The following RDX variants were observed in gnomAD, a reference collection of about 807,000 sequenced individuals.
RDX encodes radixin, also known as deafness, autosomal recessive 24.
RDX carries 32 observed loss-of-function variants against 83.7 expected under a neutral mutation model. The ratio of observed to expected loss-of-function variants is 0.38; its 90% CI spans 0.29 to 0.51. The LOEUF (loss-of-function observed/expected upper bound fraction) is 0.51, where lower values mean the gene tolerates loss of function less well. RDX is among the 20% of genes least tolerant of loss of function. The pLI is 0.87. For missense variants in RDX, 600 were observed against 689.9 expected (o/e 0.87, Z 1.46); for synonymous variants, 229 against 222.7 (o/e 1.03, Z -0.25).
At chr11:110,217,221 T>A (rs890065060) in intron 14 of RDX, among the ~76,000 whole-genome samples, 1 of 152,236 alleles carries the variant, frequency 6.6e-6, no homozygotes, top group Admixed American at 6.5e-5. Flanking sequence ...AGTCCCTTAT[T>A]TCATAGTTGT....
intron 14 of RDX, among the ~76,000 whole-genome samples, chr11:110,200,074 T>C (rs191877701): frequency 1.1e-4 from 17 of 152,294 alleles, no homozygotes; most frequent in African/African-American, 3.4e-4. Flanking sequence ...TTCTACCAGA[T>C]TTTATATTTT....
At chr11:110,177,955 C>A (rs74924161) in intron 15 of RDX, among the ~76,000 whole-genome samples, 2,440 of 152,262 alleles carry the variant, frequency 0.016, 27 homozygotes, top group Non-Finnish European at 0.026. Context: ...CCAGCACACA[C>A]CCTGCCTCTC....
In RDX at chr11:110,236,084, T is replaced by C. The variant is rs557472383; in HGVS notation, c.1344+15A>G. 1.5e-5 allele frequency: 23 copies of C among 1,570,876 alleles called. No individual in the cohort carries two copies. The East Asian group carries it at 5.2e-4, about 35-fold the overall frequency. The stretch of plus-strand genomic sequence containing the variant: ...AAGCTATTCAATAAAAGCTAGTAAA[T>C]GAATAAATGATTACTTTGTGTTGCC... On this transcript the variant is annotated intron_variant, in intron 12 of 13. Transcript: ENST00000645495.
intron 10 of RDX, among the ~76,000 whole-genome samples, chr11:110,245,182 C>T (rs1027853849): frequency 1.3e-5 from 2 of 152,152 alleles, no homozygotes; most frequent in African/African-American, 4.8e-5. Context: ...AAACTCCTGA[C>T]TTCAAGTGAT....
chr11:110,289,771 G>C (rs1428849606), intron 1 of RDX, among the ~76,000 whole-genome samples: 2 of 151,474 alleles, frequency 1.3e-5, no homozygotes, highest in Non-Finnish European at 2.9e-5. Flanking sequence ...ATAAAAATTA[G>C]TCCCGTCTCT....
intron 10 of RDX, among the ~76,000 whole-genome samples, chr11:110,242,180 C>T (rs1327344402): frequency 6.6e-6 from 1 of 152,094 alleles, no homozygotes; most frequent in Non-Finnish European, 1.5e-5. Context: ...TGGCCGGGCA[C>T]GGTGGCTCAT....
At chr11:110,205,791 CAATT>C (rs2134245947) in intron 14 of RDX, among the ~76,000 whole-genome samples, 1 of 152,174 alleles carries the variant, frequency 6.6e-6, no homozygotes, top group African/African-American at 2.4e-5. Context: ...CTTTAGGAAA[CAATT>C]GATGGTTACA....
intron 14 of RDX, among the ~76,000 whole-genome samples, chr11:110,209,176 G>A (rs1459578981): frequency 6.6e-6 from 1 of 152,162 alleles, no homozygotes; most frequent in Admixed American, 6.5e-5. Context: ...CCTCACTTGG[G>A]AAGCCCAAGA....
intron 9 of RDX, among the ~76,000 whole-genome samples, chr11:110,249,841 C>T (rs1304945528): frequency 6.6e-6 from 1 of 152,048 alleles, no homozygotes; most frequent in African/African-American, 2.4e-5. Context: ...GCCACTGTGC[C>T]CCAGCCTGGC....
At chr11:110,235,191 A>G (rs993609233) in intron 12 of RDX, among the ~76,000 whole-genome samples, 1 of 152,142 alleles carries the variant, frequency 6.6e-6, no homozygotes, top group African/African-American at 2.4e-5. Flanking sequence ...CATTCTCAAC[A>G]AAAATAAAAA....
In RDX at chr11:110,237,451, C is replaced by T. The variant is rs755546417; in HGVS notation, c.1251+41G>A. ...TCTTTTTTAGAGGGTTCACTCTATG[C>T]TTTTATTTAAACTTTTTTCTCTAAG... On this transcript the variant is annotated intron_variant, in intron 11 of 13. Transcript: ENST00000645495. The T allele has an allele frequency of 4.4e-6, 7 of 1,601,358 alleles. 1 individual carries two copies. Among genetic ancestry groups the T allele is most frequent in the East Asian group, 4.5e-5 (2 of 44,788 alleles).
chr11:110,198,542 A>T (rs1006790489), intron 15 of RDX, among the ~76,000 whole-genome samples: 1 of 152,224 alleles, frequency 6.6e-6, no homozygotes, highest in Non-Finnish European at 1.5e-5. Flanking sequence ...CTCTTGTCAG[A>T]TCAGCAGCAG....
intron 14 of RDX, among the ~76,000 whole-genome samples, chr11:110,206,100 A>T (rs1194804692): frequency 1.3e-5 from 2 of 151,732 alleles, no homozygotes; most frequent in Non-Finnish European, 2.9e-5. Flanking sequence ...TACTAAAAAT[A>T]AAAAAAATTA....
At chr11:110,273,034 C>G (rs1860366866) in intron 2 of RDX, 2 of 456,228 alleles carry the variant, frequency 4.4e-6, no homozygotes, top group Non-Finnish European at 8.8e-6. Context: ...TGAGACCAGC[C>G]TGGGGAACAC....
chr11:110,261,955 C>T (rs1384315136), intron 5 of RDX, among the ~76,000 whole-genome samples: 1 of 152,032 alleles, frequency 6.6e-6, no homozygotes, highest in Non-Finnish European at 1.5e-5. Context: ...AACCAAACAG[C>T]AATCTGGCTT....
intron 15 of RDX, among the ~76,000 whole-genome samples, chr11:110,176,811 G>A (rs533813715): frequency 6.6e-6 from 1 of 152,182 alleles, no homozygotes; most frequent in Non-Finnish European, 1.5e-5. Flanking sequence ...GGAGCCGAAG[G>A]TGGTGGGTGC....
At chr11:110,218,427 TC>T (rs939496502) in intron 14 of RDX, among the ~76,000 whole-genome samples, 9 of 152,096 alleles carry the variant, frequency 5.9e-5, no homozygotes, top group Non-Finnish European at 1.2e-4. Flanking sequence ...ATCTGTGGGG[TC>T]CTCTCTTGCT....
chr11:110,294,052 TAA>T (rs1444165904), intron 1 of RDX, among the ~76,000 whole-genome samples: 3 of 152,178 alleles, frequency 2.0e-5, no homozygotes, highest in Non-Finnish European at 4.4e-5. Flanking sequence ...TAAAAATATA[TAA>T]AGACTTTCAC....
At chr11:110,184,884 TAG>T (rs1491177356) in intron 15 of RDX, among the ~76,000 whole-genome samples, 1 of 152,200 alleles carries the variant, frequency 6.6e-6, no homozygotes, top group African/African-American at 2.4e-5. Flanking sequence ...ATCTACCTGT[TAG>T]AGTTTGAGAC....
Sources: allele counts gnomAD v4.1 joint callset (sites outside exome capture counted in the v4.1 genomes callset), GRCh38; gene constraint gnomAD v4.1.1; transcripts MANE v1.5; gene names NCBI Gene and HGNC (gene_info 2026-07-23, HGNC 2026-07-21).